The following RRM1 variants were observed in gnomAD, a reference collection of about 807,000 sequenced individuals.
The protein encoded by RRM1 is ribonucleoside-diphosphate reductase large subunit.
RRM1 carries 19 observed loss-of-function variants against 101.5 expected under a neutral mutation model. That is an observed-to-expected ratio of 0.19 (90% CI 0.13 to 0.27). The LOEUF (loss-of-function observed/expected upper bound fraction) is 0.27, where lower values mean the gene tolerates loss of function less well. RRM1 is among the 10% of genes least tolerant of loss of function. The pLI, the probability that RRM1 is intolerant of heterozygous loss-of-function variation, is 1.00. For missense variants in RRM1, 500 were observed against 962.9 expected (o/e 0.52, Z 6.36); for synonymous variants, 298 against 323.4 (o/e 0.92, Z 0.84).
chr11:4,111,016 C>A (rs1031588283), intron 5 of RRM1, among the ~76,000 whole-genome samples: 3 of 151,894 alleles, frequency 2.0e-5, no homozygotes, highest in Non-Finnish European at 4.4e-5. Context: ...ACTACAACTT[C>A]TGTTAATGTG....
chr11:4,112,143 A>G (rs961151913), intron 7 of RRM1, 81 bp downstream of exon 7: 10 of 1,037,324 alleles, frequency 9.6e-6, no homozygotes, highest in Admixed American at 6.7e-5. Context: ...TAATTTAATG[A>G]CCTTTTAGTA....
chr11:4,105,091 T>C (rs1348493376), intron 2 of RRM1, among the ~76,000 whole-genome samples: 2 of 152,228 alleles, frequency 1.3e-5, no homozygotes, highest in African/African-American at 2.4e-5. Context: ...TTAAAGGCTA[T>C]ACTTAGATTT....
intron 17 of RRM1, 24 bp from the exon 18 acceptor site, chr11:4,135,057 TA>T: frequency 6.4e-7 from 1 of 1,551,138 alleles, no homozygotes; most frequent in Non-Finnish European, 8.8e-7. Context: ...TGGAGTAAAG[TA>T]AACATTGGGT....
chr11:4,124,924 T>A (rs867790716), intron 12 of RRM1, among the ~76,000 whole-genome samples: 32 of 124,422 alleles, frequency 2.6e-4, no homozygotes, highest in African/African-American at 6.5e-4. Context: ...TATTTTATTT[T>A]TTTTTTTTTG....
At chr11:4,133,219 C>G (rs1818483373) in intron 16 of RRM1, among the ~76,000 whole-genome samples, 1 of 152,120 alleles carries the variant, frequency 6.6e-6, no homozygotes, top group Admixed American at 6.6e-5. Context: ...CTTTGTCACC[C>G]AGGCTGGAGT....
At chr11:4,109,242 G>A (rs1258062269) in intron 4 of RRM1, among the ~76,000 whole-genome samples, 1 of 151,208 alleles carries the variant, frequency 6.6e-6, no homozygotes, top group East Asian at 1.9e-4. Context: ...GTAAATATGT[G>A]GTACCAATAC....
At chr11:4,134,008 A>T (rs964286360) in intron 17 of RRM1, among the ~76,000 whole-genome samples, 1 of 78,408 alleles carries the variant, frequency 1.3e-5, no homozygotes, top group Admixed American at 1.7e-4. Flanking sequence ...TTTTTTTGAG[A>T]CGAAGTCTCT....
intron 8 of RRM1, among the ~76,000 whole-genome samples, 198 bp downstream of exon 8, chr11:4,118,659 T>C (rs968612104): frequency 6.6e-6 from 1 of 152,208 alleles, no homozygotes; most frequent in South Asian, 2.1e-4. Flanking sequence ...TTTGACTAGA[T>C]AATCTCTAGA....
At chr11:4,119,959 T>G in intron 9 of RRM1, 31 bp downstream of exon 9, 1 of 1,313,028 alleles carries the variant, frequency 7.6e-7, no homozygotes, top group Non-Finnish European at 1.1e-6. Flanking sequence ...GTACTGGAAA[T>G]CAGAACTAAA....
rs1440048368 is a variant in RRM1, at chr11:4,132,045, G to A, written c.1770-241G>A. Among the ~76,000 whole-genome samples the A allele has an allele frequency of 6.6e-6, 1 of 152,188 alleles. No homozygotes were observed. Among genetic ancestry groups the A allele is most frequent in the Non-Finnish European group, 1.5e-5 (1 of 68,038 alleles). ...ATAAGGATAGCCAACAATAAAAATT[G>A]TACTAATTCAGTTTAGGAGTCAGGC... On this transcript the variant is annotated intron_variant, in intron 15 of 18. Coordinates refer to ENST00000300738, the MANE Select transcript of RRM1 (RefSeq NM_001033.5). This position sits in a 1 kb window ranked among gnomAD's most constrained non-coding sequence, Gnocchi z 4.1.
chr11:4,119,294 G>A (rs2094578211), intron 8 of RRM1: 1 of 165,914 alleles, frequency 6.0e-6, no homozygotes, highest in East Asian at 1.9e-4. Context: ...TTAAAGGCTT[G>A]TGTTGGGATC....
chr11:4,108,091 A>G (rs570178193), intron 4 of RRM1, among the ~76,000 whole-genome samples: 1 of 152,300 alleles, frequency 6.6e-6, no homozygotes, highest in South Asian at 2.1e-4. Context: ...TTTGATAGGC[A>G]TTGCCAAACT....
At position 4,133,630 on chromosome 11, in the gene RRM1, A is replaced by G. The variant is rs749677886; in HGVS notation, c.1973A>G (p.Gln658Arg). ...RGLWHEEMKN[Q>R]IIACNGSIQS... is the part of the protein sequence containing the mutation. ...CTATGGCATGAAGAGATGAAAAACC[A>G]GATTATTGCATGCAATGGCTCTATT... Residue 658 changes from glutamine (Q) to arginine (R), a missense_variant, in exon 17 of 19, where the codon CAG becomes CGG. This residue lies in a region of RRM1 where 79 missense variants were observed against 176.4 expected (regional missense o/e 0.45). Coordinates refer to ENST00000300738, the MANE Select transcript of RRM1 (RefSeq NM_001033.5). The G allele has an allele frequency of 3.1e-6, 5 of 1,610,242 alleles. No individual in the cohort carries two copies. The East Asian group carries it at 8.9e-5, about 29-fold the overall frequency.
At position 4,135,282 on chromosome 11, in the gene RRM1, A is replaced by T. The variant is rs2094607389; in HGVS notation, c.2190+12A>T. Reference sequence around the variant, plus strand: ...ACGGCTGGAAGCAGGTTGGTAGAGAATATCAAGGAGTACTTAATTGCCAGC... The same window carrying T: ...ACGGCTGGAAGCAGGTTGGTAGAGATTATCAAGGAGTACTTAATTGCCAGC... On this transcript the variant is annotated intron_variant, in intron 18 of 18. Coordinates refer to ENST00000300738, the MANE Select transcript of RRM1 (RefSeq NM_001033.5). The T allele has an allele frequency of 6.3e-7, 1 of 1,575,986 alleles. No homozygotes were observed. Among genetic ancestry groups the T allele is most frequent in the African/African-American group, 1.3e-5 (1 of 74,184 alleles).
chr11:4,112,632 G>A (rs539048159), intron 7 of RRM1, among the ~76,000 whole-genome samples: 1 of 152,194 alleles, frequency 6.6e-6, no homozygotes, highest in Non-Finnish European at 1.5e-5. Flanking sequence ...CCAAAGTGCT[G>A]GGATTGTAGG....
At chr11:4,128,892 A>G (rs1484194125) in intron 14 of RRM1, among the ~76,000 whole-genome samples, 182 bp from the exon 15 acceptor site, 2 of 152,118 alleles carry the variant, frequency 1.3e-5, no homozygotes, top group East Asian at 3.9e-4. Flanking sequence ...CTTCTGATCA[A>G]TATGACTACA....
intron 1 of RRM1, among the ~76,000 whole-genome samples, chr11:4,100,753 T>G (rs2094549838): frequency 1.3e-5 from 2 of 152,226 alleles, no homozygotes. Context: ...AAAAGCACTT[T>G]TTACCTTATC....
chr11:4,124,731 G>T (rs1322554880), intron 12 of RRM1, among the ~76,000 whole-genome samples: 1 of 151,994 alleles, frequency 6.6e-6, no homozygotes, highest in African/African-American at 2.4e-5. Context: ...TCACTCTGTT[G>T]CCCAAGCTGG....
At position 4,102,094 on chromosome 11, in the gene RRM1, G is replaced by A. The variant is rs1001193453; in HGVS notation, c.108+13G>A. 1.5e-5 allele frequency: 20 copies of A among 1,366,584 alleles called. No individual in the cohort carries two copies. Among genetic ancestry groups the A allele is most frequent in the Non-Finnish European group, 2.1e-5 (20 of 959,710 alleles). The allele number at this position is 1,366,584 out of a possible 1,614,324, so 84.7% of individuals were successfully genotyped here. A position where few individuals can be genotyped will look rare whatever the true frequency, so the allele number is the denominator to read the frequency against. On this transcript the variant is annotated intron_variant, in intron 2 of 18. Transcript: ENST00000300738. ...TTTTGTTGATCCTGTAAGTAAATAT[G>A]GTTTTTATCTTGGGTTCCTTCTTTC... is the stretch of plus-strand genomic sequence containing the variant.
Sources: gnomAD v4.1 joint callset for allele counts (sites outside exome capture counted in the v4.1 genomes callset) on GRCh38, gnomAD v4.1.1 for gene constraint, gnomAD v4.1.1 regional missense constraint, Gnocchi (gnomAD v3.1) non-coding constraint, MANE v1.5 for transcripts, NCBI Gene and HGNC (gene_info 2026-07-23, HGNC 2026-07-21) for gene names.